The following ABCA9 variants were observed in gnomAD, a reference collection of about 807,000 sequenced individuals.
ABCA9 encodes ATP binding cassette subfamily A member 9, also known as ATP-binding cassette sub-family A member 9.
In ABCA9, 183 loss-of-function variants were observed where a neutral mutation model predicts 205.3. The observed-to-expected ratio is 0.89, with a 90% CI of 0.79 to 1.01. ABCA9 has a LOEUF of 1.01. ABCA9 is among the 50% of genes least tolerant of loss of function. ABCA9 has a pLI of 0.00. For missense variants in ABCA9, 1,805 were observed against 1,912.4 expected (o/e 0.94, Z 1.05); for synonymous variants, 651 against 683.3 (o/e 0.95, Z 0.74).
chr17:69,033,803 A>G lies in ABCA9; in HGVS notation c.1199T>C (p.Ile400Thr). Residue 400 changes from isoleucine to threonine, a missense_variant, in exon 9 of 39, where the codon ATA becomes ACA. Coordinates refer to ENST00000340001, the MANE Select transcript of ABCA9 (RefSeq NM_080283.4). ...AAAAACCAACATGAAAAGAGTAGCT[A>G]TTATGAGGTATGGATTTTGTGAAGA... ...LDSSQNPYLI[I>T]ATLFMLVFDT... is the part of the protein sequence containing the mutation. 1 of 1,608,838 alleles carries G rather than the reference A, an allele frequency of 6.2e-7. No individual in the cohort carries two copies. The highest frequency in any genetic ancestry group is 8.5e-7 in the Non-Finnish European group (1 of 1,175,600).
At chr17:69,063,508 T>C (rs189477110), upstream of ABCA9, among the ~76,000 whole-genome samples, 15 of 152,320 alleles carry the variant, frequency 9.8e-5, no homozygotes, top group African/African-American at 3.6e-4. Context: ...TTTATCTTCT[T>C]GCTTTTCATT....
intron 8 of ABCA9, 120 bp from the exon 9 acceptor site, chr17:69,033,993 A>G (rs1294929940): frequency 1.6e-5 from 13 of 803,840 alleles, no homozygotes; most frequent in Non-Finnish European, 2.6e-5. Flanking sequence ...TTGTCTCTAC[A>G]GAGCTCTGTC....
intron 1 of ABCA9, among the ~76,000 whole-genome samples, chr17:69,052,325 T>A (rs754211773): frequency 1.6e-4 from 24 of 152,104 alleles, no homozygotes; most frequent in Non-Finnish European, 1.2e-4. Context: ...CAGTGAACCA[T>A]CTTCATGCTA....
At chr17:68,983,646 A>G in intron 36 of ABCA9, 63 bp downstream of exon 36, 2 of 1,586,764 alleles carry the variant, frequency 1.3e-6, no homozygotes, top group South Asian at 1.1e-5. Context: ...TTATTCCGTC[A>G]TCATAGCAGA....
chr17:69,036,579 C>A (rs1014379145), intron 6 of ABCA9, among the ~76,000 whole-genome samples: 1 of 151,834 alleles, frequency 6.6e-6, no homozygotes, highest in Non-Finnish European at 1.5e-5. Context: ...CAAAAACAAG[C>A]CAAAATATAA....
intron 2 of ABCA9, 109 bp from the exon 3 acceptor site, chr17:69,049,599 A>T (rs1307570734): frequency 1.1e-6 from 1 of 909,596 alleles, no homozygotes; most frequent in South Asian, 2.2e-5. Context: ...CTTGCATTCC[A>T]TTTATTCTTT....
intron 22 of ABCA9, among the ~76,000 whole-genome samples, chr17:69,014,550 A>C (rs2144238930): frequency 6.6e-6 from 1 of 152,314 alleles, no homozygotes; most frequent in Non-Finnish European, 1.5e-5. Context: ...ACATTTAAAC[A>C]TGCTAATACA....
At chr17:69,077,590 C>G in the ABCA9 span, among the ~76,000 whole-genome samples, 120,135 of 152,132 alleles carry the variant, frequency 0.79, 50,761 homozygotes, top group Non-Finnish European at 0.94. Context: ...CAATTTAACA[C>G]TGTCAATGGG....
At position 68,989,104 on chromosome 17, in the gene ABCA9, G is replaced by A. The variant is rs1201039926; in HGVS notation, c.3970C>T (p.Leu1324=). The A allele has an allele frequency of 6.2e-7, 1 of 1,610,554 alleles. No individual in the cohort carries two copies. Among genetic ancestry groups the A allele is most frequent in the Admixed American group, 1.7e-5 (1 of 59,934 alleles). Residue 1324 remains leucine (L), a synonymous_variant, in exon 31 of 39, where the codon CTG becomes TTG. Transcript: ENST00000340001. ...TTACCAGCTCCATTGTGTCCTAACA[G>A]TCCTATAACTTCACCTGAAAGAAAG... ...FCVKKGEVIG[L]LGHNGAGKST... is the part of the protein sequence containing the mutation.
rs113904054 is a variant in ABCA9 at position 69,022,520 on chromosome 17, A to G, written c.2282-659T>C. 330 of 140,946 alleles carry G rather than the reference A, an allele frequency of 2.3e-3. 1 individual carries two copies. Among genetic ancestry groups the G allele is most frequent in the African/African-American group, 7.9e-3 (295 of 37,116 alleles). 8.7% of individuals were successfully genotyped at this position (140,946 alleles called of 1,614,324 possible). On this transcript the variant is annotated intron_variant, in intron 17 of 38. Coordinates refer to ENST00000340001, the MANE Select transcript of ABCA9 (RefSeq NM_080283.4). ...TGTGTGTGTGTGTGTGTGTGTGTGT[A>G]TGTGTGTGTGTGTGTGTGCGCGCGT...
Position 69,032,134 on chromosome 17 carries a change from T to G in ABCA9, c.1419A>C (p.Pro473=). ...TGATGGCTTCTTTCCCACAGAATTC[T>G]GGAGACACTGGTTCAAAACAGTCAT... ...TPNDCFEPVS[P]EFCGKEAIRI... is the part of the protein sequence containing the mutation. Residue 473 remains proline, a synonymous_variant, in exon 10 of 39, where the codon CCA becomes CCC. Transcript: ENST00000340001. 6.2e-7 allele frequency: 1 copy of G among 1,612,970 alleles called. No individual in the cohort carries two copies. The highest frequency in any genetic ancestry group is 8.5e-7 in the Non-Finnish European group (1 of 1,179,578).
intron 23 of ABCA9, 159 bp downstream of exon 23, chr17:69,011,817 A>G (rs1340801952): frequency 2.0e-6 from 1 of 488,978 alleles, no homozygotes; most frequent in Non-Finnish European, 3.6e-6. Flanking sequence ...GAAAGATAGC[A>G]TTTTCTTCAT....
chr17:69,036,053 G>C (rs1322883019), intron 6 of ABCA9, among the ~76,000 whole-genome samples: 1 of 152,180 alleles, frequency 6.6e-6, no homozygotes, highest in East Asian at 1.9e-4. Context: ...ATGTCACTGG[G>C]AGAGGTTTCC....
chr17:69,029,301 C>T (rs2144351751), intron 10 of ABCA9, 74 bp from the exon 11 acceptor site: 1 of 880,518 alleles, frequency 1.1e-6, no homozygotes, highest in Non-Finnish European at 1.7e-6. Flanking sequence ...GTCTTTGAGG[C>T]TTAATCAAAG....
chr17:69,044,530 AG>A lies in ABCA9; in HGVS notation c.539del (p.Ala180ValfsTer11), dbSNP rs1381678241. 2 of 1,613,206 alleles carry A rather than the reference AG, an allele frequency of 1.2e-6. No homozygotes were observed. Among genetic ancestry groups the A allele is most frequent in the Non-Finnish European group, 8.5e-7 (1 of 1,179,526 alleles). ...TAGCAGCATTAATGGCAGCTTGAAA[AG>A]CTACAAAGCCTTTCTCCCAGAACTC... Reference protein sequence around the residue: ...GSEFWEKGFVAFQAAINAAII... With the variant: ...GSEFWEKGFVXFQAAINAAII... On this transcript the variant is annotated frameshift_variant, in exon 5 of 39. Transcript: ENST00000340001. LOFTEE classifies it high-confidence loss of function.
At chr17:68,988,921 G>A in intron 31 of ABCA9, 106 bp downstream of exon 31, 1 of 684,236 alleles carries the variant, frequency 1.5e-6, no homozygotes, top group Non-Finnish European at 2.5e-6. Flanking sequence ...TTTATTCAAT[G>A]CATAAATCAC....
rs114213118 is a variant in ABCA9, at chr17:68,976,977, C to A, written c.4721-787G>T. ...TTTGGACAGTGTCAGACTGCTGTGG[C>A]ATTTTCTTTCTTCTTTCCTTGGACA... On this transcript the variant is annotated intron_variant, in intron 37 of 38. Transcript: ENST00000340001. Among the ~76,000 whole-genome samples the A allele has an allele frequency of 7.1e-3, 1,082 of 152,262 alleles. 18 individuals are homozygous for A. Among genetic ancestry groups the A allele is most frequent in the African/African-American group, 0.025 (1,028 of 41,556 alleles).
intron 1 of ABCA9, among the ~76,000 whole-genome samples, chr17:69,058,043 T>C (rs1464171827): frequency 1.3e-5 from 2 of 152,210 alleles, no homozygotes; most frequent in African/African-American, 4.8e-5. Context: ...TGTAGAGCTT[T>C]AGTGAACATG....
intron 2 of ABCA9, among the ~76,000 whole-genome samples, chr17:69,050,347 C>CGA (rs1374703441): frequency 7.3e-4 from 36 of 49,564 alleles, no homozygotes; most frequent in African/African-American, 3.5e-3. Flanking sequence ...CACACGAACA[C>CGA]ACACACACAC....
Sources: gnomAD v4.1 joint callset for allele counts (sites outside exome capture counted in the v4.1 genomes callset) on GRCh38, gnomAD v4.1.1 for gene constraint, MANE v1.5 for transcripts, NCBI Gene and HGNC (gene_info 2026-07-23, HGNC 2026-07-21) for gene names.